The following ALB variants were observed in gnomAD, a reference collection of about 807,000 sequenced individuals.
The protein encoded by ALB is albumin.
A neutral mutation model predicts 74.5 loss-of-function variants in ALB; 37 were observed. That is an observed-to-expected ratio of 0.50 (90% CI 0.38 to 0.65). ALB has a LOEUF of 0.65. ALB is among the 30% of genes least tolerant of loss of function. ALB has a pLI of 0.00. For missense variants in ALB, 685 were observed against 718.7 expected (o/e 0.95, Z 0.54); for synonymous variants, 249 against 251.6 (o/e 0.99, Z 0.10).
chr4:73,406,927 G>A (rs1718745311), intron 3 of ALB, among the ~76,000 whole-genome samples, 166 bp downstream of exon 3: 1 of 152,086 alleles, frequency 6.6e-6, no homozygotes, highest in Non-Finnish European at 1.5e-5. Context: ...TTTTGTGATA[G>A]AGATGCTTTA....
At position 73,415,180 on chromosome 4, in the gene ALB, T is replaced by C. The variant is rs1718983541; in HGVS notation, c.1191+13T>C. The C allele has an allele frequency of 1.9e-6, 3 of 1,613,914 alleles. No homozygotes were observed. The highest frequency in any genetic ancestry group is 1.1e-5 in the South Asian group (1 of 91,070). ...CTATGCCAAAGTGGTAGGTTTATTGTTGGAAAAAAATGTAGTTCTTTGACT... is the reference window on the plus strand; with the variant it reads ...CTATGCCAAAGTGGTAGGTTTATTGCTGGAAAAAAATGTAGTTCTTTGACT... On this transcript the variant is annotated intron_variant, in intron 9 of 14. Coordinates refer to ENST00000295897, the MANE Select transcript of ALB (RefSeq NM_000477.7).
chr4:73,418,328 T>G lies in ALB; in HGVS notation c.1652+17T>G. The stretch of plus-strand genomic sequence containing the variant: ...GAAACAAACGTGAGGAGTATTTCAT[T>G]ACTGCATGTGTTTGTAGTCTTGATA... On this transcript the variant is annotated intron_variant, in intron 12 of 14. Transcript: ENST00000295897. 6.3e-7 allele frequency: 1 copy of G among 1,599,446 alleles called. No homozygotes were observed. Among genetic ancestry groups the G allele is most frequent in the Non-Finnish European group, 8.6e-7 (1 of 1,168,746 alleles).
In ALB at chr4:73,408,584, T is replaced by C. The variant is rs1286019580; in HGVS notation, c.271-10T>C. The C allele has an allele frequency of 6.2e-7, 1 of 1,613,280 alleles. No homozygotes were observed. Among genetic ancestry groups the C allele is most frequent in the African/African-American group, 1.3e-5 (1 of 75,038 alleles). ...TGTCCAGCAACTGAAACCTGCTTTCTTCCATTTAGCATACCCTTTTTGGAG... is the reference window on the plus strand; with the variant it reads ...TGTCCAGCAACTGAAACCTGCTTTCCTCCATTTAGCATACCCTTTTTGGAG... On this transcript the variant is annotated splice_polypyrimidine_tract_variant and intron_variant, in intron 3 of 14. Coordinates refer to ENST00000295897, the MANE Select transcript of ALB (RefSeq NM_000477.7).
rs1162492183 is a variant in ALB, at chr4:73,407,556, A to G, written c.270+795A>G. On this transcript the variant is annotated intron_variant, in intron 3 of 14. Coordinates refer to ENST00000295897, the MANE Select transcript of ALB (RefSeq NM_000477.7). ...GTTTTCTACATCTTGACTATCATGA[A>G]TAGTGTTGCAATGAACACAGGAGAG... Among the ~76,000 whole-genome samples, 3 of 152,214 alleles carry G rather than the reference A, an allele frequency of 2.0e-5. No homozygotes were observed. The East Asian group carries it at 5.8e-4, about 29-fold the overall frequency.
chr4:73,405,124 G>C lies in ALB; in HGVS notation c.88G>C (p.Glu30Gln). 6.2e-7 allele frequency: 1 copy of C among 1,613,736 alleles called. No individual in the cohort carries two copies. The highest frequency in any genetic ancestry group is 1.1e-5 in the South Asian group (1 of 91,068). The change falls in exon 2 of 15, where the codon GAG becomes CAG. Residue 30 changes from glutamate (E) to glutamine (Q), a missense_variant. Transcript: ENST00000295897. The stretch of plus-strand genomic sequence containing the variant: ...TTTCTTCCCTTGCCCAGACAAGAGT[G>C]AGGTTGCTCATCGGTTTAAAGATTT... Reference protein sequence around the residue: ...GVFRRDAHKSEVAHRFKDLGE... With the variant: ...GVFRRDAHKSQVAHRFKDLGE...
chr4:73,413,660 T>C (rs772060066), intron 8 of ALB, 26 bp downstream of exon 8: 12 of 1,610,074 alleles, frequency 7.5e-6, no homozygotes, highest in Middle Eastern at 1.6e-4. Flanking sequence ...ATTATTCTTT[T>C]ATAGCTTTGG....
intron 6 of ALB, among the ~76,000 whole-genome samples, chr4:73,411,511 A>G (rs1160543639): frequency 6.6e-6 from 1 of 152,246 alleles, no homozygotes; most frequent in East Asian, 1.9e-4. Flanking sequence ...TCAATTGAGA[A>G]AAAAGATAAC....
intron 6 of ALB, 94 bp downstream of exon 6, chr4:73,410,503 G>A: frequency 1.1e-6 from 1 of 928,264 alleles, no homozygotes; most frequent in Non-Finnish European, 1.8e-6. Context: ...TTTGCAAAGT[G>A]CTGTCAAATA....
chr4:73,404,455 T>C (rs1447735652), intron 1 of ALB, 49 bp downstream of exon 1: 15 of 1,484,002 alleles, frequency 1.0e-5, no homozygotes, highest in Non-Finnish European at 1.4e-5. Flanking sequence ...ATTTTCCCAG[T>C]AAAATAAAGT....
At chr4:73,416,418 G>A in intron 10 of ALB, 65 bp downstream of exon 10, 1 of 1,146,614 alleles carries the variant, frequency 8.7e-7, no homozygotes, top group Non-Finnish European at 1.3e-6. Context: ...TAATATATGA[G>A]CCACCTAGCA....
intron 8 of ALB, among the ~76,000 whole-genome samples, chr4:73,413,954 T>C (rs1718946496): frequency 6.6e-6 from 1 of 152,242 alleles, no homozygotes; most frequent in African/African-American, 2.4e-5. Context: ...CTTGAACATC[T>C]ATAATATATG....
chr4:73,421,198 T>G lies in ALB; in HGVS notation c.*130T>G, dbSNP rs1490026210. The G allele has an allele frequency of 1.4e-5, 9 of 650,556 alleles. No individual in the cohort carries two copies. The highest frequency in any genetic ancestry group is 1.9e-5 in the Non-Finnish European group (7 of 365,668). 40.3% of individuals were successfully genotyped at this position (650,556 alleles called of 1,614,324 possible). On this transcript the variant is annotated 3_prime_UTR_variant, in exon 15 of 15. Coordinates refer to ENST00000295897, the MANE Select transcript of ALB (RefSeq NM_000477.7). The stretch of plus-strand genomic sequence containing the variant: ...ACCCTGTCTAAAAAACATAAATTTC[T>G]TTAATCATTTTGCCTCTTTTCTCTG...
chr4:73,418,345 G>A (rs758954803), intron 12 of ALB, 34 bp downstream of exon 12: 4 of 1,573,722 alleles, frequency 2.5e-6, no homozygotes, highest in Non-Finnish European at 3.5e-6. Context: ...TGTGTTTGTA[G>A]TCTTGATAGC....
At chr4:73,410,029 G>A (rs915899991) in intron 5 of ALB, among the ~76,000 whole-genome samples, 14 of 152,204 alleles carry the variant, frequency 9.2e-5, no homozygotes, top group Non-Finnish European at 2.9e-5. Context: ...GGATATTAGC[G>A]TACTCTTTCT....
At chr4:73,415,203 A>G (rs755295579) in intron 9 of ALB, 36 bp downstream of exon 9, 1 of 1,611,032 alleles carries the variant, frequency 6.2e-7, no homozygotes, top group South Asian at 1.1e-5. Flanking sequence ...TAGTTCTTTG[A>G]CTGATGATTC....
chr4:73,404,893 T>G, intron 1 of ALB: 2 of 546,192 alleles, frequency 3.7e-6, no homozygotes, highest in South Asian at 4.2e-5. Flanking sequence ...CTATAAATAT[T>G]TAATAATTTT....
Position 73,405,118 on chromosome 4 carries a change from A to G in ALB, c.82A>G (p.Lys28Glu), listed in dbSNP as rs1718686540. ...SRGVFRRDAHKSEVAHRFKDL... is the reference protein window; with the variant it reads ...SRGVFRRDAHESEVAHRFKDL... ...CTTTTTTTTCTTCCCTTGCCCAGACAAGAGTGAGGTTGCTCATCGGTTTAA... is the reference window on the plus strand; with the variant it reads ...CTTTTTTTTCTTCCCTTGCCCAGACGAGAGTGAGGTTGCTCATCGGTTTAA... The change falls in exon 2 of 15, where the codon AAG becomes GAG. Residue 28 changes from lysine (K) to glutamate (E), a missense_variant and splice_region_variant. Coordinates refer to ENST00000295897, the MANE Select transcript of ALB (RefSeq NM_000477.7). The G allele has an allele frequency of 6.2e-7, 1 of 1,613,676 alleles. No homozygotes were observed. The highest frequency in any genetic ancestry group is 1.3e-5 in the African/African-American group (1 of 74,926).
intron 2 of ALB, among the ~76,000 whole-genome samples, chr4:73,405,424 A>G (rs1718695058): frequency 6.6e-6 from 1 of 152,124 alleles, no homozygotes; most frequent in South Asian, 2.1e-4. Context: ...ATTTAATTGT[A>G]GTTAATTTGA....
chr4:73,411,240 G>GA (rs34313532), intron 6 of ALB, among the ~76,000 whole-genome samples: 65,562 of 151,542 alleles, frequency 0.43, 14,519 homozygotes, highest in Admixed American at 0.53. Context: ...CCAAATTTAT[G>GA]AAAAAAAACA....
Sources: gnomAD v4.1 joint callset for allele counts (sites outside exome capture counted in the v4.1 genomes callset) on GRCh38, gnomAD v4.1.1 for gene constraint, MANE v1.5 for transcripts, NCBI Gene and HGNC (gene_info 2026-07-23, HGNC 2026-07-21) for gene names.